Variants in PDE1A observed in about 807,000 individuals in gnomAD.
The protein encoded by PDE1A is phosphodiesterase 1A.
Under a neutral mutation model 61.7 loss-of-function variants are expected in PDE1A, and 35 were observed. The ratio of observed to expected loss-of-function variants is 0.57; its 90% CI spans 0.43 to 0.75. PDE1A has a LOEUF of 0.75. PDE1A is among the 30% of genes least tolerant of loss of function. The pLI, the probability that PDE1A is intolerant of heterozygous loss-of-function variation, is 0.00. For synonymous variants in PDE1A, 232 were observed against 213.2 expected, an observed-to-expected ratio of 1.09 and a Z score of -0.77; for missense variants, 597 against 630.6, an observed-to-expected ratio of 0.95 and a Z score of 0.57.
the PDE1A span, among the ~76,000 whole-genome samples, chr2:182,594,829 A>G: frequency 6.6e-6 from 1 of 152,214 alleles, no homozygotes; most frequent in Non-Finnish European, 1.5e-5. Context: ...GCTGGTGGTC[A>G]TAACACTGGA....
the PDE1A span, among the ~76,000 whole-genome samples, chr2:182,688,359 G>A: frequency 6.6e-6 from 1 of 152,176 alleles, no homozygotes. Flanking sequence ...CCAGAAAAGA[G>A]TGGGGGCCAA....
At chr2:182,615,540 C>T in the PDE1A span, among the ~76,000 whole-genome samples, 1 of 152,146 alleles carries the variant, frequency 6.6e-6, no homozygotes, top group African/African-American at 2.4e-5. Flanking sequence ...ATATAATTAT[C>T]TCGACATGTG....
the PDE1A span, among the ~76,000 whole-genome samples, chr2:182,541,302 G>C: frequency 6.6e-6 from 1 of 152,180 alleles, no homozygotes; most frequent in East Asian, 1.9e-4. Context: ...CCTACTCCTT[G>C]CTAATGATCT....
upstream of PDE1A, among the ~76,000 whole-genome samples, chr2:182,525,922 GA>G (rs10709860): frequency 0.068 from 10,344 of 151,174 alleles, 382 homozygotes; most frequent in Middle Eastern, 0.11. Flanking sequence ...CCTGAAAAAA[GA>G]AAAAAAAGTA....
the PDE1A span, among the ~76,000 whole-genome samples, chr2:182,707,417 G>A: frequency 1.3e-5 from 2 of 152,084 alleles, no homozygotes; most frequent in South Asian, 2.1e-4. Context: ...AAATGAGAAA[G>A]AGCAGAAACA....
At chr2:182,256,038 C>CTTTTTTTTTTTTTTTTTTTCTTTT (rs1691762728) in intron 2 of PDE1A, among the ~76,000 whole-genome samples, 1 of 92,336 alleles carries the variant, frequency 1.1e-5, no homozygotes, top group Non-Finnish European at 2.1e-5. Context: ...AGGATGACTT[C>CTTTTTTTTTTTTTTTTTTTCTTTT]TTTTTTTTTT....
At chr2:182,263,121 T>G (rs1268833878) in intron 2 of PDE1A, among the ~76,000 whole-genome samples, 1 of 152,114 alleles carries the variant, frequency 6.6e-6, no homozygotes, top group East Asian at 1.9e-4. Context: ...TCCTGCTGAG[T>G]GGAAGGGGCC....
At chr2:182,663,818 C>A in the PDE1A span, among the ~76,000 whole-genome samples, 2 of 151,350 alleles carry the variant, frequency 1.3e-5, no homozygotes, top group African/African-American at 2.4e-5. Context: ...TACCCCTGAA[C>A]TTAAAAGTTA....
the PDE1A span, among the ~76,000 whole-genome samples, chr2:182,699,293 A>G: frequency 6.6e-6 from 1 of 152,196 alleles, no homozygotes; most frequent in African/African-American, 2.4e-5. Flanking sequence ...TTCCCAGTAA[A>G]GAAATGGATA....
At chr2:182,584,916 TTG>T in the PDE1A span, among the ~76,000 whole-genome samples, 62 of 152,346 alleles carry the variant, frequency 4.1e-4, no homozygotes, top group African/African-American at 1.4e-3. Flanking sequence ...GAGAAAAGCT[TTG>T]TTTTTGAGCT....
At chr2:182,209,005 T>C (rs1031077587) in intron 7 of PDE1A, among the ~76,000 whole-genome samples, 3 of 152,136 alleles carry the variant, frequency 2.0e-5, no homozygotes, top group Admixed American at 6.5e-5. Flanking sequence ...GTTAAGACTT[T>C]TGGGGACTGT....
At chr2:182,565,326 C>T in the PDE1A span, among the ~76,000 whole-genome samples, 1 of 152,148 alleles carries the variant, frequency 6.6e-6, no homozygotes, top group Admixed American at 6.5e-5. Context: ...CACTCCAGAC[C>T]CTGTTTGCCT....
At chr2:182,527,335 T>A (rs1690792534), upstream of PDE1A, among the ~76,000 whole-genome samples, 12 of 6,612 alleles carry the variant, frequency 1.8e-3, 4 homozygotes, top group African/African-American at 9.8e-3. Context: ...AAAATATATA[T>A]ATATATATAT....
intron 2 of PDE1A, among the ~76,000 whole-genome samples, chr2:182,514,199 A>G (rs1169194704): frequency 6.6e-6 from 1 of 152,224 alleles, no homozygotes; most frequent in Non-Finnish European, 1.5e-5. Flanking sequence ...TAAATGGAAA[A>G]ACATTCCATG....
chr2:182,606,514 GT>G, the PDE1A span, among the ~76,000 whole-genome samples: 4 of 152,058 alleles, frequency 2.6e-5, no homozygotes, highest in Non-Finnish European at 4.4e-5. Context: ...TTCAAACCCA[GT>G]TTTTTTCATT....
chr2:182,699,001 G>C, the PDE1A span, among the ~76,000 whole-genome samples: 12 of 152,284 alleles, frequency 7.9e-5, no homozygotes, highest in Admixed American at 2.6e-4. Context: ...ACTAACATGA[G>C]GATCAGGCAG....
At chr2:182,224,092 G>T in intron 6 of PDE1A, 128 bp from the exon 7 acceptor site, 1 of 621,488 alleles carries the variant, frequency 1.6e-6, no homozygotes, top group Non-Finnish European at 2.7e-6. Flanking sequence ...CTTTTAATTT[G>T]TTTCCTATTT....
chr2:182,425,431 A>G (rs1703555661), intron 1 of PDE1A, among the ~76,000 whole-genome samples: 1 of 152,188 alleles, frequency 6.6e-6, no homozygotes, highest in African/African-American at 2.4e-5. Flanking sequence ...AGACACAAAA[A>G]CATATTTAAG....
chr2:182,544,075 G>C, the PDE1A span, among the ~76,000 whole-genome samples: 1 of 152,062 alleles, frequency 6.6e-6, no homozygotes, highest in Non-Finnish European at 1.5e-5. Flanking sequence ...GTAATAAGCG[G>C]GAGAAAATAA....
Sources: allele counts gnomAD v4.1 joint callset (sites outside exome capture counted in the v4.1 genomes callset), GRCh38; gene constraint gnomAD v4.1.1; transcripts MANE v1.5; gene names NCBI Gene and HGNC (gene_info 2026-07-23, HGNC 2026-07-21).